The following CCT8 variants were observed in gnomAD, a reference collection of about 807,000 sequenced individuals.
CCT8 encodes chaperonin containing TCP1 subunit 8.
CCT8 carries 10 observed loss-of-function variants against 65.7 expected under a neutral mutation model. That is an observed-to-expected ratio of 0.15 (90% confidence interval 0.09 to 0.26). The LOEUF (loss-of-function observed/expected upper bound fraction) is 0.26. CCT8 is among the 10% of genes least tolerant of loss of function. The probability of loss-of-function intolerance (pLI) is 1.00; values close to 1 mark genes in which losing one functional copy is unlikely to be tolerated. For missense variants in CCT8, 568 were observed against 669.1 expected (o/e 0.85, Z 1.67); for synonymous variants, 199 against 221.8 (o/e 0.90, Z 0.92).
intron 2 of CCT8, 130 bp from the exon 3 acceptor site, chr21:29,069,632 A>T: frequency 1.9e-6 from 1 of 535,474 alleles, no homozygotes. Context: ...AAGAAAACAC[A>T]TACTATCTAT....
chr21:29,063,833 C>T (rs903396491), intron 7 of CCT8, among the ~76,000 whole-genome samples: 11 of 152,304 alleles, frequency 7.2e-5, no homozygotes, highest in South Asian at 6.2e-4. Context: ...CAGGCAGGAT[C>T]TCGGCTCACC....
intron 8 of CCT8, among the ~76,000 whole-genome samples, chr21:29,063,121 T>C (rs1233223775): frequency 6.6e-6 from 1 of 152,188 alleles, no homozygotes; most frequent in African/African-American, 2.4e-5. Context: ...TTGCCTGGAA[T>C]GCTTTTCCCT....
chr21:29,057,764 GAT>G (rs59286710), intron 14 of CCT8, among the ~76,000 whole-genome samples: 6,303 of 99,616 alleles, frequency 0.063, 274 homozygotes, highest in East Asian at 0.19. Context: ...TATGATATGA[GAT>G]ATATATGATA....
chr21:29,062,634 C>A (rs1015970797), intron 8 of CCT8, 78 bp from the exon 9 acceptor site: 3 of 1,077,608 alleles, frequency 2.8e-6, no homozygotes, highest in Non-Finnish European at 2.7e-6. Flanking sequence ...AAAGAGGAAC[C>A]TGTATACCAG....
At chr21:29,062,451 C>A in intron 9 of CCT8, 36 bp from the exon 10 acceptor site, 1 of 1,611,502 alleles carries the variant, frequency 6.2e-7, no homozygotes, top group Non-Finnish European at 8.5e-7. Flanking sequence ...AAAATTCCAT[C>A]TTGTTCAACT....
intron 1 of CCT8, chr21:29,071,976 T>TCAGC (rs746547465): frequency 1.3e-4 from 94 of 702,226 alleles, no homozygotes; most frequent in South Asian, 1.3e-3. Context: ...TTGGTAAGCT[T>TCAGC]CAGCCCTACA....
intron 6 of CCT8, among the ~76,000 whole-genome samples, chr21:29,066,071 G>C (rs2085618423): frequency 9.3e-6 from 1 of 107,114 alleles, no homozygotes; most frequent in East Asian, 2.5e-4. Flanking sequence ...AACAGAGCCA[G>C]ACTCCATCTC....
intron 1 of CCT8, chr21:29,072,238 G>T: frequency 2.8e-6 from 1 of 357,184 alleles, no homozygotes; most frequent in African/African-American, 2.1e-5. Context: ...CTACTATAGT[G>T]CAGTTTCTTT....
At chr21:29,073,454 T>C (rs1053796733) in intron 1 of CCT8, 77 bp downstream of exon 1, 262 of 1,608,222 alleles carry the variant, frequency 1.6e-4, no homozygotes, top group Non-Finnish European at 3.0e-5. Flanking sequence ...AGCCCGTTAG[T>C]AGGCCCTCCT....
rs1460944739 is a variant in CCT8 at position 29,058,631 on chromosome 21, G to A, written c.1569+1910C>T. On this transcript the variant is annotated intron_variant, in intron 14 of 14. Transcript: ENST00000286788. The stretch of plus-strand genomic sequence containing the variant: ...TTTTGAGATGGAGTCTTGCTCTGTC[G>A]CCCAGGCTGGAGTACAGTGGTGCCA... 3.5e-5 allele frequency among the ~76,000 whole-genome samples: 5 copies of A among 141,340 alleles called. No individual in the cohort carries two copies. In the Admixed American group the frequency reaches 3.7e-4, roughly 10 times the overall value. 92.7% of individuals were successfully genotyped at this position (141,340 alleles called of 152,430 possible).
chr21:29,067,475 A>T (rs2085636632), intron 4 of CCT8, 81 bp downstream of exon 4: 4 of 1,143,778 alleles, frequency 3.5e-6, no homozygotes, highest in Non-Finnish European at 4.7e-6. Context: ...TACTACTATA[A>T]TAATGATTTT....
In CCT8 at chr21:29,062,216, A is replaced by G. The variant is rs151240700; in HGVS notation, c.1124T>C (p.Ile375Thr). 1.7e-5 allele frequency: 28 copies of G among 1,613,638 alleles called. No homozygotes were observed. The highest frequency in any genetic ancestry group is 2.1e-5 in the Non-Finnish European group (25 of 1,179,746). Residue 375 changes from isoleucine (I) to threonine (T), a missense_variant, in exon 11 of 15, where the codon ATA (isoleucine) becomes ACA (threonine). Ile to Thr is a moderately conservative substitution (Grantham distance 89). Transcript: ENST00000286788. ...HEKEDGAIST[I>T]VLRGSTDNLM... ...ATTGTCTGTAGAGCCTCGAAGTACT[A>G]TGGTAGAAATGGCGCCATCTTCCTT...
In CCT8 at chr21:29,061,303, G is replaced by C. The variant is rs370808449; in HGVS notation, c.1399C>G (p.Leu467Val). ...GVKANEVISKLYAVHQEGNKN... is the reference protein window; with the variant it reads ...GVKANEVISKVYAVHQEGNKN... ...TTTCCTTCTTGATGTACTGCATAAA[G>C]TTTAGAGATTACTTCATTGGCCTTA... The change falls in exon 13 of 15, where the codon CTT becomes GTT. Residue 467 changes from leucine (L) to valine (V), a missense_variant. Leu to Val is a conservative substitution (Grantham distance 32). Coordinates refer to ENST00000286788, the MANE Select transcript of CCT8 (RefSeq NM_006585.4). The C allele has an allele frequency of 6.2e-7, 1 of 1,613,752 alleles. No individual in the cohort carries two copies. The highest frequency in any genetic ancestry group is 1.3e-5 in the African/African-American group (1 of 74,886).
chr21:29,068,784 G>A (rs747225444), intron 3 of CCT8, among the ~76,000 whole-genome samples: 5 of 152,126 alleles, frequency 3.3e-5, no homozygotes, highest in Non-Finnish European at 7.4e-5. Context: ...TTATTTAAGA[G>A]GTTAGAAAAA....
Position 29,067,033 on chromosome 21 carries a change from A to T in CCT8, c.420T>A (p.His140Gln). 17 of 1,609,696 alleles carry T rather than the reference A, an allele frequency of 1.1e-5. No individual in the cohort carries two copies. The highest frequency in any genetic ancestry group is 1.4e-5 in the Non-Finnish European group (17 of 1,176,496). The change falls in exon 5 of 15, where the codon CAT (histidine) becomes CAA (glutamine). Residue 140 changes from histidine to glutamine, a missense_variant. Coordinates refer to ENST00000286788, the MANE Select transcript of CCT8 (RefSeq NM_006585.4). ...AACATACCAAATTAGGAAGAATCTC[A>T]TGAGCTTTTCTGCAGGCTATTTCAT... ...EGYEIACRKA[H>Q]EILPNLVCCS...
chr21:29,073,403 A>C, intron 1 of CCT8, 128 bp downstream of exon 1: 1 of 1,513,456 alleles, frequency 6.6e-7, no homozygotes, highest in Non-Finnish European at 8.9e-7. Context: ...CCTTTCTGGA[A>C]TCTTCTCTTC....
At chr21:29,070,849 T>G (rs75310255) in intron 1 of CCT8, among the ~76,000 whole-genome samples, 1 of 152,366 alleles carries the variant, frequency 6.6e-6, no homozygotes, top group East Asian at 1.9e-4. Flanking sequence ...TAACTAACTG[T>G]TGAAATGTGG....
chr21:29,056,786 A>G (rs972230822), intron 14 of CCT8, among the ~76,000 whole-genome samples: 5 of 152,246 alleles, frequency 3.3e-5, no homozygotes, highest in African/African-American at 1.2e-4. Flanking sequence ...AAATCCACAG[A>G]GATTAGTGAA....
rs768093246 is a variant in CCT8 at position 29,067,666 on chromosome 21, G to C, written c.271C>G (p.His91Asp). Residue 91 changes from histidine to aspartate, a missense_variant, in exon 4 of 15, where the codon CAT (histidine) becomes GAT (aspartate). Physicochemically the swap from His to Asp is moderately conservative, Grantham distance 81 (BLOSUM62 -1). Coordinates refer to ENST00000286788, the MANE Select transcript of CCT8 (RefSeq NM_006585.4). ...TCTCCAACTTCTTGCTCTTGCATAT[G>C]AGAAGCCATTACAATCATTTTTGCA... ...PAAKMIVMAS[H>D]MQEQEVGDGT... is the part of the protein sequence containing the mutation. 1.5e-6 allele frequency: 2 copies of C among 1,367,558 alleles called. No homozygotes were observed. The highest frequency in any genetic ancestry group is 1.9e-6 in the Non-Finnish European group (2 of 1,054,854). 84.7% of individuals were successfully genotyped at this position (1,367,558 alleles called of 1,614,324 possible). A position where few individuals can be genotyped will look rare whatever the true frequency, so the allele number is the denominator to read the frequency against.
Sources: gnomAD v4.1 joint callset for allele counts (sites outside exome capture counted in the v4.1 genomes callset) on GRCh38, gnomAD v4.1.1 for gene constraint, MANE v1.5 for transcripts, NCBI Gene and HGNC (gene_info 2026-07-23, HGNC 2026-07-21) for gene names.